The following IGF2BP3 variants were observed in gnomAD, a reference collection of about 807,000 sequenced individuals.
IGF2BP3 encodes insulin like growth factor 2 mRNA binding protein 3, also known as insulin-like growth factor 2 mRNA-binding protein 3.
A neutral mutation model predicts 73.8 loss-of-function variants in IGF2BP3; 9 were observed. The ratio of observed to expected loss-of-function variants is 0.12; its 90% CI spans 0.07 to 0.21. IGF2BP3 has a LOEUF of 0.21. Among genes scored for constraint, IGF2BP3 ranks in the 10% least tolerant of loss-of-function variants. The pLI is 1.00. For missense variants in IGF2BP3, 542 were observed against 714.0 expected (o/e 0.76, Z 2.75); for synonymous variants, 258 against 256.7 (o/e 1.01, Z -0.05).
At chr7:23,418,970 G>T in intron 2 of IGF2BP3, 146 bp from the exon 3 acceptor site, 1 of 565,040 alleles carries the variant, frequency 1.8e-6, no homozygotes. Flanking sequence ...AGCCCAAGAA[G>T]GAAAAGCAAA....
chr7:23,443,693 G>T (rs1049465930), intron 2 of IGF2BP3, among the ~76,000 whole-genome samples: 30 of 151,698 alleles, frequency 2.0e-4, no homozygotes, highest in African/African-American at 7.0e-4. Context: ...ATAATAATAA[G>T]CAAAAATAAA....
At chr7:23,327,506 C>T (rs1385333071) in intron 10 of IGF2BP3, among the ~76,000 whole-genome samples, 1 of 152,064 alleles carries the variant, frequency 6.6e-6, no homozygotes, top group Non-Finnish European at 1.5e-5. Context: ...TGGTCTCGAT[C>T]TCCTGACCTC....
At chr7:23,350,271 T>C (rs1784926544) in intron 6 of IGF2BP3, among the ~76,000 whole-genome samples, 2 of 151,886 alleles carry the variant, frequency 1.3e-5, no homozygotes, top group Admixed American at 1.3e-4. Context: ...ATTAAGCTTA[T>C]TTCGTTGGAT....
chr7:23,390,823 G>C (rs1786249335), intron 3 of IGF2BP3, among the ~76,000 whole-genome samples: 1 of 144,154 alleles, frequency 6.9e-6, no homozygotes, highest in Admixed American at 7.2e-5. Flanking sequence ...TTTTGAGACA[G>C]AGTCTCGCTC....
At chr7:23,361,049 A>G (rs1476649792) in intron 5 of IGF2BP3, among the ~76,000 whole-genome samples, 4 of 152,234 alleles carry the variant, frequency 2.6e-5, no homozygotes, top group African/African-American at 9.6e-5. Context: ...CCATAAATCT[A>G]AGAGCAAATT....
intron 6 of IGF2BP3, among the ~76,000 whole-genome samples, chr7:23,350,669 GGGCCCTGGCCTT>G (rs146023004): frequency 0.028 from 4,202 of 152,304 alleles, 179 homozygotes; most frequent in African/African-American, 0.096. Context: ...CTATGTAGCA[GGGCCCTGGCCTT>G]GGCCCTGGGG....
In IGF2BP3 at chr7:23,311,103, G is replaced by C. The variant is rs1783814826; in HGVS notation, c.*1259C>G. On this transcript the variant is annotated 3_prime_UTR_variant, in exon 15 of 15. Transcript: ENST00000258729. ...AATCCTGTTATACTTTACTACTTAA[G>C]GTGGAGTCTAATTTTTTTTTTTTAA... 1 of 151,724 alleles carries C rather than the reference G, an allele frequency of 6.6e-6. No homozygotes were observed. Among genetic ancestry groups the C allele is most frequent in the African/African-American group, 2.4e-5 (1 of 41,214 alleles). The allele number at this position is 151,724 out of a possible 1,614,324, so 9.4% of individuals were successfully genotyped here. A position where few individuals can be genotyped will look rare whatever the true frequency, so the allele number is the denominator to read the frequency against.
At chr7:23,321,968 G>A (rs888441722) in intron 10 of IGF2BP3, among the ~76,000 whole-genome samples, 7 of 152,058 alleles carry the variant, frequency 4.6e-5, no homozygotes, top group African/African-American at 1.4e-4. Flanking sequence ...CCACAAAGAC[G>A]GGGAAAAAAC....
At chr7:23,408,113 T>TA (rs975352454) in intron 3 of IGF2BP3, among the ~76,000 whole-genome samples, 1 of 152,146 alleles carries the variant, frequency 6.6e-6, no homozygotes, top group Admixed American at 6.5e-5. Flanking sequence ...TTCAACCTGA[T>TA]AAAGAGTATC....
chr7:23,407,569 T>C (rs574917485), intron 3 of IGF2BP3, among the ~76,000 whole-genome samples: 127 of 141,382 alleles, frequency 9.0e-4, no homozygotes, highest in African/African-American at 3.4e-3. Flanking sequence ...GATTGGGCCA[T>C]CGCACTCCGG....
intron 10 of IGF2BP3, among the ~76,000 whole-genome samples, chr7:23,338,789 G>T (rs763088933): frequency 7.2e-5 from 11 of 151,986 alleles, no homozygotes; most frequent in Non-Finnish European, 1.6e-4. Flanking sequence ...TTAAGGCAGG[G>T]AATAATTAAT....
At chr7:23,404,758 G>T (rs527485019) in intron 3 of IGF2BP3, among the ~76,000 whole-genome samples, 1 of 151,862 alleles carries the variant, frequency 6.6e-6, no homozygotes, top group African/African-American at 2.4e-5. Flanking sequence ...TACGGCAAGT[G>T]GGGGGTGGGG....
chr7:23,442,102 G>A (rs1787950696), intron 2 of IGF2BP3, among the ~76,000 whole-genome samples: 1 of 152,176 alleles, frequency 6.6e-6, no homozygotes. Flanking sequence ...ACTCCAGCCT[G>A]GGCAACAAGA....
At chr7:23,317,872 T>A in intron 11 of IGF2BP3, 159 bp from the exon 12 acceptor site, 1 of 650,328 alleles carries the variant, frequency 1.5e-6, no homozygotes, top group Non-Finnish European at 2.8e-6. Context: ...GGGTTCACAA[T>A]TTAGGCCTCC....
intron 3 of IGF2BP3, among the ~76,000 whole-genome samples, chr7:23,380,963 T>G (rs547412245): frequency 4.6e-5 from 7 of 152,184 alleles, no homozygotes; most frequent in African/African-American, 7.2e-5. Context: ...TACACCTCTC[T>G]CCCATCTTCC....
At chr7:23,330,157 G>A (rs896441433) in intron 10 of IGF2BP3, among the ~76,000 whole-genome samples, 2 of 151,868 alleles carry the variant, frequency 1.3e-5, no homozygotes, top group African/African-American at 4.8e-5. Context: ...ATGGTGGCAG[G>A]CACCTGTAAT....
rs886515010 is a variant in IGF2BP3 at position 23,469,665 on chromosome 7, C to G, written c.175+271G>C. ...CGCCGGGGGAGCGCGCCTCCCCCAG[C>G]CCCGCGCCCCCCTTAGCCAGCGCCG... On this transcript the variant is annotated intron_variant, in intron 1 of 14. Coordinates refer to ENST00000258729, the MANE Select transcript of IGF2BP3 (RefSeq NM_006547.3). The surrounding 1 kb of genome is among the most constrained non-coding windows in gnomAD (Gnocchi z 6.1). 6.6e-6 allele frequency among the ~76,000 whole-genome samples: 1 copy of G among 151,584 alleles called. No homozygotes were observed. The highest frequency in any genetic ancestry group is 2.4e-5 in the African/African-American group (1 of 41,322).
At chr7:23,428,081 C>G (rs35088481) in intron 2 of IGF2BP3, among the ~76,000 whole-genome samples, 28,056 of 152,020 alleles carry the variant, frequency 0.18, 2,881 homozygotes, top group African/African-American at 0.25. Flanking sequence ...GAGGCTGAAG[C>G]AGGAGGATCA....
At chr7:23,364,546 TC>T (rs1213305732) in intron 3 of IGF2BP3, among the ~76,000 whole-genome samples, 25 of 31,584 alleles carry the variant, frequency 7.9e-4, no homozygotes, top group African/African-American at 2.9e-3. Context: ...AGACTTTGTG[TC>T]AAAAAAAAAA....
Sources: gnomAD v4.1 joint callset for allele counts (sites outside exome capture counted in the v4.1 genomes callset) on GRCh38, gnomAD v4.1.1 for gene constraint, Gnocchi (gnomAD v3.1) non-coding constraint, MANE v1.5 for transcripts, NCBI Gene and HGNC (gene_info 2026-07-23, HGNC 2026-07-21) for gene names.